FAM117B: variants seen among roughly 807,000 people sequenced by gnomAD.
FAM117B encodes protein FAM117B.
In FAM117B, 22 loss-of-function variants were observed where a neutral mutation model predicts 52.8. The observed-to-expected ratio is 0.42, with a 90% CI of 0.30 to 0.59. FAM117B has a LOEUF of 0.59. Among genes scored for constraint, FAM117B ranks in the 20% least tolerant of loss-of-function variants. The probability of loss-of-function intolerance (pLI) is 0.22; values close to 1 mark genes in which losing one functional copy is unlikely to be tolerated. For missense variants in FAM117B, 678 were observed against 802.6 expected (o/e 0.84, Z 1.88); for synonymous variants, 309 against 324.1 (o/e 0.95, Z 0.50).
Position 202,635,270 on chromosome 2 carries a change from C to G in FAM117B, c.83C>G (p.Pro28Arg), listed in dbSNP as rs1430076226. 7.2e-7 allele frequency: 1 copy of G among 1,395,630 alleles called. No homozygotes were observed. Among genetic ancestry groups the G allele is most frequent in the Non-Finnish European group, 9.3e-7 (1 of 1,072,028 alleles). 86.5% of individuals were successfully genotyped at this position (1,395,630 alleles called of 1,614,324 possible). ...GGGAVATAGG[P>R]GSRLQPMRAT... Reference sequence around the variant, plus strand: ...GGTGCGGTGGCCACGGCCGGGGGACCCGGGAGCCGCTTGCAGCCCATGAGG... The same window carrying G: ...GGTGCGGTGGCCACGGCCGGGGGACGCGGGAGCCGCTTGCAGCCCATGAGG... Residue 28 changes from proline (P) to arginine (R), a missense_variant, in exon 1 of 8, where the codon CCC becomes CGC. Physicochemically the swap from Pro to Arg is moderately radical, Grantham distance 103 (BLOSUM62 -2). Coordinates refer to ENST00000392238, the MANE Select transcript of FAM117B (RefSeq NM_173511.4).
intron 2 of FAM117B, among the ~76,000 whole-genome samples, chr2:202,722,097 A>C (rs1224647819): frequency 1.5e-5 from 2 of 133,070 alleles, no homozygotes; most frequent in Non-Finnish European, 3.1e-5. Flanking sequence ...TGCAACCTCC[A>C]CCTCCCAAGT....
chr2:202,636,663 A>G (rs901950518), intron 1 of FAM117B, among the ~76,000 whole-genome samples: 1 of 152,230 alleles, frequency 6.6e-6, no homozygotes, highest in Admixed American at 6.5e-5. Context: ...TTGTTGCCTT[A>G]AGGAAAGAAA....
At chr2:202,723,719 C>T (rs1335010589) in intron 2 of FAM117B, among the ~76,000 whole-genome samples, 1 of 152,152 alleles carries the variant, frequency 6.6e-6, no homozygotes, top group Admixed American at 6.5e-5. Flanking sequence ...AACAGTGCTA[C>T]AGGGAATAAT....
chr2:202,680,874 G>A (rs1475314922), intron 1 of FAM117B, among the ~76,000 whole-genome samples: 1 of 151,992 alleles, frequency 6.6e-6, no homozygotes, highest in Non-Finnish European at 1.5e-5. Flanking sequence ...ATAGAAACTT[G>A]GTATACAAAA....
chr2:202,686,335 C>G (rs1319661717), intron 1 of FAM117B, among the ~76,000 whole-genome samples: 1 of 152,212 alleles, frequency 6.6e-6, no homozygotes, highest in Non-Finnish European at 1.5e-5. Flanking sequence ...TGGGTACAAC[C>G]AGTTTGGAAA....
intron 2 of FAM117B, among the ~76,000 whole-genome samples, chr2:202,701,195 A>G (rs1690790440): frequency 6.6e-6 from 1 of 152,216 alleles, no homozygotes; most frequent in Non-Finnish European, 1.5e-5. Flanking sequence ...GAATTATGCT[A>G]AATCTACTCT....
Position 202,742,278 on chromosome 2 carries a change from C to T in FAM117B, c.961-13260C>T, listed in dbSNP as rs116335309. ...AAGGAAAAACTATGAGGGCAGCTAG[C>T]GTTACCAGATGTCAAAACATACTAT... On this transcript the variant is annotated intron_variant, in intron 4 of 7. Coordinates refer to ENST00000392238, the MANE Select transcript of FAM117B (RefSeq NM_173511.4). Among the ~76,000 whole-genome samples the T allele has an allele frequency of 7.4e-3, 1,130 of 152,240 alleles. 10 individuals carry two copies. Among genetic ancestry groups the T allele is most frequent in the African/African-American group, 0.026 (1,077 of 41,538 alleles).
chr2:202,706,036 A>G (rs1690864243), intron 2 of FAM117B, among the ~76,000 whole-genome samples: 2 of 152,228 alleles, frequency 1.3e-5, no homozygotes, highest in Admixed American at 1.3e-4. Flanking sequence ...TTTTAGAGAC[A>G]AGGTCTCACT....
intron 6 of FAM117B, among the ~76,000 whole-genome samples, chr2:202,758,664 C>T (rs1269009874): frequency 2.6e-5 from 4 of 152,152 alleles, no homozygotes; most frequent in Non-Finnish European, 5.9e-5. Flanking sequence ...AGAAATGTTC[C>T]TCCTGATAGG....
chr2:202,704,176 A>C (rs1238128083), intron 2 of FAM117B, among the ~76,000 whole-genome samples: 1 of 152,212 alleles, frequency 6.6e-6, no homozygotes, highest in Non-Finnish European at 1.5e-5. Flanking sequence ...CTATAGTACC[A>C]ATTTTTTGAG....
At chr2:202,724,051 CTTTTTTT>C (rs34063266) in intron 2 of FAM117B, among the ~76,000 whole-genome samples, 1 of 89,794 alleles carries the variant, frequency 1.1e-5, no homozygotes, top group East Asian at 3.6e-4. Flanking sequence ...TAAGGTTTAA[CTTTTTTT>C]TTTTTTTTTT....
intron 1 of FAM117B, among the ~76,000 whole-genome samples, chr2:202,638,784 T>C (rs1056100943): frequency 6.6e-6 from 1 of 152,168 alleles, no homozygotes; most frequent in Non-Finnish European, 1.5e-5. Context: ...TTCCGCCAAC[T>C]AGAAAAATAA....
chr2:202,639,716 C>T (rs1461911432), intron 1 of FAM117B, among the ~76,000 whole-genome samples: 2 of 152,142 alleles, frequency 1.3e-5, no homozygotes, highest in Admixed American at 1.3e-4. Flanking sequence ...AAATCTACTT[C>T]ATATGATAGT....
intron 4 of FAM117B, 122 bp from the exon 5 acceptor site, chr2:202,755,416 T>C: frequency 8.0e-7 from 1 of 1,248,072 alleles, no homozygotes; most frequent in Non-Finnish European, 1.1e-6. Flanking sequence ...TCACTCACAC[T>C]TTTTGTGAGG....
At chr2:202,754,298 TCTCA>T (rs1691767295) in intron 4 of FAM117B, among the ~76,000 whole-genome samples, 1 of 152,172 alleles carries the variant, frequency 6.6e-6, no homozygotes, top group African/African-American at 2.4e-5. Context: ...CACCGCATGT[TCTCA>T]CTCATAAGTG....
chr2:202,739,034 C>CA (rs1691483396), intron 4 of FAM117B, among the ~76,000 whole-genome samples: 1 of 152,096 alleles, frequency 6.6e-6, no homozygotes, highest in African/African-American at 2.4e-5. Flanking sequence ...ATTAACAATA[C>CA]AAAAATTAGC....
At chr2:202,721,499 A>G (rs935214635) in intron 2 of FAM117B, among the ~76,000 whole-genome samples, 6 of 152,180 alleles carry the variant, frequency 3.9e-5, no homozygotes, top group East Asian at 3.8e-4. Flanking sequence ...AGTTACGACT[A>G]CTTGGCCTAA....
intron 1 of FAM117B, among the ~76,000 whole-genome samples, chr2:202,680,544 A>G (rs1202063962): frequency 6.6e-6 from 1 of 152,220 alleles, no homozygotes; most frequent in Non-Finnish European, 1.5e-5. Context: ...CCAAGGCACC[A>G]TAATCAGATG....
chr2:202,696,924 C>T (rs1559104431), intron 2 of FAM117B, among the ~76,000 whole-genome samples: 1 of 152,076 alleles, frequency 6.6e-6, no homozygotes, highest in Non-Finnish European at 1.5e-5. Flanking sequence ...CAAAAATTAG[C>T]CGGGCATGCT....
Sources: gnomAD v4.1 joint callset for allele counts (sites outside exome capture counted in the v4.1 genomes callset) on GRCh38, gnomAD v4.1.1 for gene constraint, MANE v1.5 for transcripts, NCBI Gene and HGNC (gene_info 2026-07-23, HGNC 2026-07-21) for gene names.